TEX11: variants seen among roughly 807,000 people sequenced by gnomAD.
TEX11 encodes testis expressed 11, also known as testis-expressed protein 11.
In TEX11, 7 loss-of-function variants were observed where a neutral mutation model predicts 84.4. The ratio of observed to expected loss-of-function variants is 0.08; its 90% CI spans 0.05 to 0.16. TEX11 has a LOEUF of 0.16. Ranked by LOEUF, TEX11 falls within the 10% of genes least tolerant of loss-of-function variation. The pLI is 1.00. For synonymous variants in TEX11, 264 were observed against 222.8 expected (o/e 1.18, Z -1.64); for missense variants, 551 against 660.5 (o/e 0.83, Z 1.82).
intron 28 of TEX11, among the ~76,000 whole-genome samples, chrX:70,534,758 C>T: frequency 8.9e-6 from 1 of 112,041 alleles, no homozygotes; most frequent in Non-Finnish European, 1.9e-5. Flanking sequence ...GTATGTGCAT[C>T]AGCTTTATTA....
At chrX:70,799,773 G>A (rs1047920618) in intron 9 of TEX11, among the ~76,000 whole-genome samples, 8 of 111,985 alleles carry the variant, frequency 7.1e-5, no homozygotes, top group Non-Finnish European at 1.5e-4. Context: ...CTTATCTGCC[G>A]CTGATCTGGG....
chrX:70,794,332 A>C (rs1442138624), intron 9 of TEX11, among the ~76,000 whole-genome samples: 1 of 111,843 alleles, frequency 8.9e-6, no homozygotes, highest in African/African-American at 3.2e-5. Context: ...GCAATCATCC[A>C]TTCCAGTAAT....
At chrX:70,678,086 A>G in intron 15 of TEX11, among the ~76,000 whole-genome samples, 1 of 111,118 alleles carries the variant, frequency 9.0e-6, no homozygotes, top group Non-Finnish European at 1.9e-5. Context: ...TGCTGGGATT[A>G]CAGGCGTGAG....
chrX:70,826,006 C>T (rs2091343517), intron 8 of TEX11, among the ~76,000 whole-genome samples: 1 of 107,336 alleles, frequency 9.3e-6, no homozygotes, highest in Admixed American at 1.0e-4. Context: ...TAAATAATCA[C>T]CTTATAAGAG....
At chrX:70,813,711 G>A (rs1365504733) in intron 8 of TEX11, among the ~76,000 whole-genome samples, 1 of 111,651 alleles carries the variant, frequency 9.0e-6, no homozygotes, top group Non-Finnish European at 1.9e-5. Flanking sequence ...CATCGTCTCA[G>A]CCCAAAATCT....
intron 7 of TEX11, 117 bp from the exon 8 acceptor site, chrX:70,833,710 T>G: frequency 1.8e-6 from 1 of 540,883 alleles, no homozygotes; most frequent in Non-Finnish European, 3.0e-6. Context: ...TCTAATATTT[T>G]TAGCAATACT....
At chrX:70,772,303 G>A (rs2090976390) in intron 9 of TEX11, among the ~76,000 whole-genome samples, 2 of 112,031 alleles carry the variant, frequency 1.8e-5, no homozygotes, top group African/African-American at 6.5e-5. Context: ...GGCCAGGTGT[G>A]GTGGCTCATA....
chrX:70,902,136 G>A (rs1433709178), intron 2 of TEX11, among the ~76,000 whole-genome samples: 4 of 111,489 alleles, frequency 3.6e-5, no homozygotes, highest in Non-Finnish European at 3.8e-5. Flanking sequence ...TGTGATTCCC[G>A]GCTACTCAAG....
the TEX11 span, among the ~76,000 whole-genome samples, chrX:70,518,231 A>T: frequency 3.6e-5 from 4 of 111,410 alleles, no homozygotes; most frequent in East Asian, 1.1e-3. Flanking sequence ...TCAATTTTAG[A>T]TCTTTCCTGC....
At chrX:70,679,514 C>G (rs1487232010) in intron 14 of TEX11, among the ~76,000 whole-genome samples, 1 of 103,320 alleles carries the variant, frequency 9.7e-6, no homozygotes. Flanking sequence ...TCCCGGCCGC[C>G]ATCCCATCTG....
At chrX:70,634,316 A>G (rs2089544260) in intron 17 of TEX11, among the ~76,000 whole-genome samples, 1 of 112,126 alleles carries the variant, frequency 8.9e-6, no homozygotes, top group Non-Finnish European at 1.9e-5. Context: ...TATAGATTCA[A>G]TGTAATACGA....
At chrX:70,696,119 A>G (rs1330384619) in intron 13 of TEX11, among the ~76,000 whole-genome samples, 4 of 111,306 alleles carry the variant, frequency 3.6e-5, no homozygotes, top group Non-Finnish European at 5.7e-5. Flanking sequence ...GGTTGCAACC[A>G]TTTGCTTTGC....
chrX:70,759,847 T>C (rs1250929242), intron 9 of TEX11, among the ~76,000 whole-genome samples: 1 of 111,623 alleles, frequency 9.0e-6, no homozygotes, highest in Non-Finnish European at 1.9e-5. Context: ...GATGACATGA[T>C]TGTATATTTA....
chrX:70,666,800 G>A (rs2089979713), intron 16 of TEX11, among the ~76,000 whole-genome samples: 2 of 111,431 alleles, frequency 1.8e-5, no homozygotes, highest in Non-Finnish European at 3.8e-5. Context: ...ATACCCTAGG[G>A]CCTTTGCAGT....
chrX:70,681,867 A>G (rs768368545), intron 14 of TEX11, among the ~76,000 whole-genome samples: 47 of 111,770 alleles, frequency 4.2e-4, no homozygotes, highest in Non-Finnish European at 8.3e-4. Flanking sequence ...TCATCTACTC[A>G]GATGACTTCC....
At chrX:70,816,515 A>G (rs1320501982) in intron 8 of TEX11, among the ~76,000 whole-genome samples, 2 of 110,261 alleles carry the variant, frequency 1.8e-5, no homozygotes, top group African/African-American at 6.6e-5. Flanking sequence ...GTTTGAGACC[A>G]GCCTGGCCAA....
At chrX:70,792,315 AATAT>A (rs1556087562) in intron 9 of TEX11, among the ~76,000 whole-genome samples, 5 of 14,908 alleles carry the variant, frequency 3.4e-4, no homozygotes, top group African/African-American at 1.5e-3. Context: ...AAAAAAAAAA[AATAT>A]ATATATATAT....
chrX:70,639,642 C>A (rs758226943), intron 17 of TEX11, among the ~76,000 whole-genome samples: 2 of 111,485 alleles, frequency 1.8e-5, no homozygotes, highest in South Asian at 7.7e-4. Context: ...CTGGGAGGCA[C>A]CCTCCAGCAG....
chrX:70,621,718 T>A (rs1442637745), intron 20 of TEX11, among the ~76,000 whole-genome samples: 1 of 104,796 alleles, frequency 9.5e-6, no homozygotes, highest in Non-Finnish European at 2.0e-5. Flanking sequence ...AAGACTGGCC[T>A]TATCAGTAGA....
Sources: allele counts gnomAD v4.1 joint callset (sites outside exome capture counted in the v4.1 genomes callset), GRCh38; gene constraint gnomAD v4.1.1; transcripts MANE v1.5; gene names NCBI Gene and HGNC (gene_info 2026-07-23, HGNC 2026-07-21).